The following CCDC172 variants were observed in gnomAD, a reference collection of about 807,000 sequenced individuals.
The protein encoded by CCDC172 is coiled-coil domain containing 172, also known as coiled-coil domain-containing protein 172.
A neutral mutation model predicts 38.0 loss-of-function variants in CCDC172; 30 were observed. The ratio of observed to expected loss-of-function variants is 0.79; its 90% CI spans 0.59 to 1.07. The LOEUF is 1.07. CCDC172 is among the 50% of genes least tolerant of loss of function. The pLI is 0.00. For missense variants in CCDC172, 297 were observed against 290.1 expected, an observed-to-expected ratio of 1.02 and a Z score of -0.17; for synonymous variants, 78 against 88.3, an observed-to-expected ratio of 0.88 and a Z score of 0.66.
Position 116,342,167 on chromosome 10 carries a change from T to C in CCDC172, c.414T>C (p.Ser138=). The part of the protein sequence containing the change: ...LMKENVKIEI[S]DLENQANMLK... ...AAGAAAATGTCAAGATTGAAATATC[T>C]GACTTAGAAAACCAAGCAAACATGT... The change falls in exon 5 of 9, where the codon TCT becomes TCC. Residue 138 remains serine, a synonymous_variant. Coordinates refer to ENST00000333254, the MANE Select transcript of CCDC172 (RefSeq NM_198515.3). 6.5e-7 allele frequency: 1 copy of C among 1,538,978 alleles called. No homozygotes were observed. The highest frequency in any genetic ancestry group is 8.7e-7 in the Non-Finnish European group (1 of 1,153,720).
chr10:116,333,412 T>C (rs913858691), intron 3 of CCDC172, among the ~76,000 whole-genome samples: 1 of 152,186 alleles, frequency 6.6e-6, no homozygotes, highest in African/African-American at 2.4e-5. Flanking sequence ...GATATGATTA[T>C]TTCTTGCACA....
At chr10:116,342,828 G>A (rs1291454594) in intron 5 of CCDC172, among the ~76,000 whole-genome samples, 1 of 152,046 alleles carries the variant, frequency 6.6e-6, no homozygotes, top group Non-Finnish European at 1.5e-5. Flanking sequence ...GCTTCTCTCT[G>A]TTCTTCCTGC....
At position 116,342,118 on chromosome 10, in the gene CCDC172, C is replaced by T. The variant is rs1273406648; in HGVS notation, c.365C>T (p.Thr122Ile). ...GACTTTAATAATGATTATGAAATAA[C>T]AAAGAAAAGAGAGCTTTTGATGAAA... is the stretch of plus-strand genomic sequence containing the variant. ...ITDFNNDYEI[T>I]KKRELLMKEN... Residue 122 changes from threonine to isoleucine, a missense_variant, in exon 5 of 9, where the codon ACA becomes ATA. Thr to Ile is a moderately conservative substitution (Grantham distance 89). Coordinates refer to ENST00000333254, the MANE Select transcript of CCDC172 (RefSeq NM_198515.3). 2 of 1,548,760 alleles carry T rather than the reference C, an allele frequency of 1.3e-6. No homozygotes were observed. The highest frequency in any genetic ancestry group is 1.7e-6 in the Non-Finnish European group (2 of 1,156,848).
At chr10:116,329,939 G>T (rs1235676660) in intron 3 of CCDC172, among the ~76,000 whole-genome samples, 1 of 152,144 alleles carries the variant, frequency 6.6e-6, no homozygotes, top group African/African-American at 2.4e-5. Flanking sequence ...CGATCACATG[G>T]GTGGTACATC....
chr10:116,363,765 C>T (rs554083365), intron 7 of CCDC172, among the ~76,000 whole-genome samples: 29 of 151,802 alleles, frequency 1.9e-4, no homozygotes, highest in South Asian at 8.3e-4. Flanking sequence ...GGTGAAACCC[C>T]GCCTCTACTA....
At chr10:116,330,667 G>A (rs910826374) in intron 3 of CCDC172, among the ~76,000 whole-genome samples, 10 of 152,130 alleles carry the variant, frequency 6.6e-5, no homozygotes, top group South Asian at 2.1e-4. Context: ...ACTGAAAAAC[G>A]TATTACAAAA....
intron 5 of CCDC172, among the ~76,000 whole-genome samples, chr10:116,346,763 G>C (rs915998241): frequency 1.3e-5 from 2 of 152,030 alleles, no homozygotes; most frequent in African/African-American, 4.8e-5. Flanking sequence ...CAGAGTACCT[G>C]ATATTGTTGA....
intron 7 of CCDC172, among the ~76,000 whole-genome samples, chr10:116,373,414 A>T (rs1335409739): frequency 6.6e-6 from 1 of 152,220 alleles, no homozygotes; most frequent in Non-Finnish European, 1.5e-5. Flanking sequence ...TAAAAACAAA[A>T]ATATATGATG....
chr10:116,329,042 T>G (rs1013691098), intron 3 of CCDC172, among the ~76,000 whole-genome samples: 2 of 152,158 alleles, frequency 1.3e-5, no homozygotes, highest in African/African-American at 4.8e-5. Flanking sequence ...GCAAATAAAT[T>G]ATATAACACC....
intron 5 of CCDC172, 58 bp from the exon 6 acceptor site, chr10:116,357,322 C>A: frequency 9.0e-7 from 1 of 1,115,714 alleles, no homozygotes; most frequent in Non-Finnish European, 1.3e-6. Flanking sequence ...TCTTTTACTT[C>A]CGGGGTTAAA....
chr10:116,361,798 G>A (rs1232040248), intron 7 of CCDC172, among the ~76,000 whole-genome samples: 1 of 152,172 alleles, frequency 6.6e-6, no homozygotes, highest in Non-Finnish European at 1.5e-5. Context: ...AGACTTGTAA[G>A]AAGGCATAAA....
Position 116,378,518 on chromosome 10 carries a change from A to C in CCDC172, c.741+8A>C. Reference sequence around the variant, plus strand: ...ATAGAATTTTTGGAGTTGGTAAGTTATCATTGATTGTTTAACTTTTGTTCA... The same window carrying C: ...ATAGAATTTTTGGAGTTGGTAAGTTCTCATTGATTGTTTAACTTTTGTTCA... On this transcript the variant is annotated splice_region_variant and intron_variant, in intron 8 of 8. Coordinates refer to ENST00000333254, the MANE Select transcript of CCDC172 (RefSeq NM_198515.3). 1 of 1,593,356 alleles carries C rather than the reference A, an allele frequency of 6.3e-7. No individual in the cohort carries two copies. The highest frequency in any genetic ancestry group is 8.6e-7 in the Non-Finnish European group (1 of 1,168,116).
chr10:116,379,329 G>A lies in CCDC172; in HGVS notation c.748G>A (p.Ala250Thr). The A allele has an allele frequency of 6.3e-7, 1 of 1,576,470 alleles. No individual in the cohort carries two copies. The highest frequency in any genetic ancestry group is 8.6e-7 in the Non-Finnish European group (1 of 1,161,576). Residue 250 changes from alanine (A) to threonine (T), a missense_variant, in exon 9 of 9, where the codon GCA (alanine) becomes ACA (threonine). Ala to Thr is a moderately conservative substitution (Grantham distance 58, BLOSUM62 0). Transcript: ENST00000333254. ...TEIEFLELTL[A>T]QKDLQESK ...TACTATGTTTTCTTTTCAGACATTGGCACAGAAAGATCTTCAGGAAAGCAA... is the reference window on the plus strand; with the variant it reads ...TACTATGTTTTCTTTTCAGACATTGACACAGAAAGATCTTCAGGAAAGCAA...
At position 116,379,773 on chromosome 10, in the gene CCDC172, G is replaced by C. The variant is rs997688527; in HGVS notation, c.*415G>C. ...CCTGATAGGAGGTGATTGGGTCATGGGGGTGGGTTTCTCATGAATAGCTTA... is the reference window on the plus strand; with the variant it reads ...CCTGATAGGAGGTGATTGGGTCATGCGGGTGGGTTTCTCATGAATAGCTTA... On this transcript the variant is annotated 3_prime_UTR_variant, in exon 9 of 9. Transcript: ENST00000333254. 1.3e-5 allele frequency: 2 copies of C among 155,286 alleles called. No homozygotes were observed. Among genetic ancestry groups the C allele is most frequent in the Non-Finnish European group, 2.8e-5 (2 of 70,368 alleles). The allele number at this position is 155,286 out of a possible 1,614,324, so 9.6% of individuals were successfully genotyped here.
intron 7 of CCDC172, among the ~76,000 whole-genome samples, chr10:116,370,876 C>G (rs942539496): frequency 6.6e-6 from 1 of 151,488 alleles, no homozygotes; most frequent in Non-Finnish European, 1.5e-5. Context: ...AAAATGAAGG[C>G]TATTTTTGTA....
At chr10:116,325,433 C>A in intron 3 of CCDC172, 45 bp downstream of exon 3, 1 of 1,478,374 alleles carries the variant, frequency 6.8e-7, no homozygotes, top group Non-Finnish European at 9.3e-7. Flanking sequence ...AAAAAGCCTG[C>A]CTTAACTTGA....
chr10:116,356,388 G>GGAAGGAAGGAAGGA (rs1844997277), intron 5 of CCDC172, among the ~76,000 whole-genome samples: 5 of 144,172 alleles, frequency 3.5e-5, no homozygotes, highest in African/African-American at 1.0e-4. Flanking sequence ...GGGAGGGAGG[G>GGAAGGAAGGAAGGA]AGGAAGGAAG....
intron 7 of CCDC172, among the ~76,000 whole-genome samples, chr10:116,364,633 A>G (rs1845101390): frequency 6.6e-6 from 1 of 152,186 alleles, no homozygotes; most frequent in Admixed American, 6.5e-5. Flanking sequence ...ATTGGTATGC[A>G]ATTAATAGTT....
Position 116,324,943 on chromosome 10 carries a change from C to T in CCDC172, c.-65-4C>T. 7.9e-7 allele frequency: 1 copy of T among 1,264,276 alleles called. No individual in the cohort carries two copies. 78.3% of individuals were successfully genotyped at this position (1,264,276 alleles called of 1,614,324 possible). On this transcript the variant is annotated splice_region_variant and splice_polypyrimidine_tract_variant and intron_variant, in intron 1 of 8. Coordinates refer to ENST00000333254, the MANE Select transcript of CCDC172 (RefSeq NM_198515.3). Reference sequence around the variant, plus strand: ...GAATCCATCTTCTTTATTCTGCTTTCCAGGATCCTCAGAGTTGGTTATAAA... The same window carrying T: ...GAATCCATCTTCTTTATTCTGCTTTTCAGGATCCTCAGAGTTGGTTATAAA...
Sources: allele counts gnomAD v4.1 joint callset (sites outside exome capture counted in the v4.1 genomes callset), GRCh38; gene constraint gnomAD v4.1.1; transcripts MANE v1.5; gene names NCBI Gene and HGNC (gene_info 2026-07-23, HGNC 2026-07-21).